The following CNOT10 variants were observed in gnomAD, a reference collection of about 807,000 sequenced individuals.
CNOT10 encodes CCR4-NOT transcription complex, subunit 10.
CNOT10 carries 30 observed loss-of-function variants against 94.6 expected under a neutral mutation model. The ratio of observed to expected loss-of-function variants is 0.32; its 90% CI spans 0.24 to 0.43. The LOEUF is 0.43. CNOT10 is among the 20% of genes least tolerant of loss of function. The pLI, the probability that CNOT10 is intolerant of heterozygous loss-of-function variation, is 1.00. For synonymous variants in CNOT10, 289 were observed against 301.6 expected (o/e 0.96, Z 0.43); for missense variants, 759 against 877.2 (o/e 0.87, Z 1.70).
chr3:32,707,414 C>T (rs1006487216), intron 3 of CNOT10, among the ~76,000 whole-genome samples: 2 of 151,768 alleles, frequency 1.3e-5, no homozygotes, highest in African/African-American at 2.4e-5. Flanking sequence ...TTTACGGGAA[C>T]GAAACCTGAA....
intron 1 of CNOT10, among the ~76,000 whole-genome samples, chr3:32,702,074 G>A (rs898803126): frequency 2.6e-5 from 4 of 151,172 alleles, no homozygotes; most frequent in Non-Finnish European, 4.4e-5. Context: ...CTGGGATTAC[G>A]GGCGTGAGCC....
At chr3:32,687,367 C>G (rs1696646867) in intron 1 of CNOT10, among the ~76,000 whole-genome samples, 1 of 150,154 alleles carries the variant, frequency 6.7e-6, no homozygotes, top group Non-Finnish European at 1.5e-5. Flanking sequence ...ACTGTACATG[C>G]TTTGGGCATC....
At chr3:32,701,278 C>T (rs1450142333) in intron 1 of CNOT10, among the ~76,000 whole-genome samples, 1 of 8,326 alleles carries the variant, frequency 1.2e-4, no homozygotes, top group South Asian at 0.012. Context: ...CTAATATTTA[C>T]ATTACCTATA....
chr3:32,717,936 T>C (rs1698195770), intron 7 of CNOT10, among the ~76,000 whole-genome samples: 1 of 152,130 alleles, frequency 6.6e-6, no homozygotes, highest in African/African-American at 2.4e-5. Flanking sequence ...ACCTGCCCCT[T>C]CCAAGTGACT....
At chr3:32,739,321 A>G (rs1293613688) in intron 13 of CNOT10, among the ~76,000 whole-genome samples, 2 of 151,894 alleles carry the variant, frequency 1.3e-5, no homozygotes, top group Non-Finnish European at 2.9e-5. Context: ...CTTCTACTTC[A>G]TTTTCTGTTT....
At chr3:32,687,438 G>T (rs1310245113) in intron 1 of CNOT10, among the ~76,000 whole-genome samples, 2 of 14,704 alleles carry the variant, frequency 1.4e-4, no homozygotes, top group Non-Finnish European at 2.3e-4. Flanking sequence ...AAGTCCTCAC[G>T]GTTTTTTTTT....
Position 32,727,603 on chromosome 3 carries a change from A to G in CNOT10, c.1013-65A>G, listed in dbSNP as rs554140540. 1.4e-4 allele frequency: 154 copies of G among 1,063,612 alleles called. 1 individual carries two copies. In the African/African-American group the frequency reaches 2.0e-3, roughly 14 times the overall value. The allele number at this position is 1,063,612 out of a possible 1,614,324, so 65.9% of individuals were successfully genotyped here. Reference sequence around the variant, plus strand: ...TAGTGTCTAAGTACTTAATGGAGTAAATGTTTTCAAGGTTACTATTACTGT... The same window carrying G: ...TAGTGTCTAAGTACTTAATGGAGTAGATGTTTTCAAGGTTACTATTACTGT... On this transcript the variant is annotated intron_variant, in intron 9 of 18. Transcript: ENST00000328834.
Position 32,685,220 on chromosome 3 carries a change from G to A in CNOT10, c.-241G>A, listed in dbSNP as rs1342754980. 2 of 487,728 alleles carry A rather than the reference G, an allele frequency of 4.1e-6. No individual in the cohort carries two copies. Among genetic ancestry groups the A allele is most frequent in the East Asian group, 3.7e-5 (1 of 26,798 alleles). The allele number at this position is 487,728 out of a possible 1,614,324, so 30.2% of individuals were successfully genotyped here. On this transcript the variant is annotated 5_prime_UTR_variant, in exon 1 of 19. It adds an upstream start codon to the 5' untranslated region. Transcript: ENST00000328834. ...ACCGGGACGCCGTGAGGCGGAAGCT[G>A]TGTATGGCGGGAGGCTGTGGCGGTC...
intron 12 of CNOT10, among the ~76,000 whole-genome samples, chr3:32,736,885 A>AT (rs1699211161): frequency 6.6e-6 from 1 of 150,682 alleles, no homozygotes; most frequent in African/African-American, 2.5e-5. Flanking sequence ...TCAGTTAGAG[A>AT]TTTTTTAAAG....
intron 1 of CNOT10, among the ~76,000 whole-genome samples, chr3:32,701,893 C>T (rs539629772): frequency 1.8e-4 from 27 of 151,818 alleles, no homozygotes; most frequent in South Asian, 1.0e-3. Context: ...CCCGGGTTCA[C>T]GCCATTCTCC....
rs1698745192 is a variant in CNOT10, at chr3:32,727,743, T to C, written c.1088T>C (p.Ile363Thr). The change falls in exon 10 of 19, where the codon ATT becomes ACT. Residue 363 changes from isoleucine to threonine, a missense_variant. This residue lies in a region of CNOT10 where 682 missense variants were observed against 799.4 expected (regional missense o/e 0.85). Transcript: ENST00000328834. ...KRYELLYNCGIQLLHIGRPLA... is the reference protein window; with the variant it reads ...KRYELLYNCGTQLLHIGRPLA... Reference sequence around the variant, plus strand: ...TATGAGTTGCTGTATAACTGTGGAATTCAGCTTCTTCACATTGGAAGGCCT... The same window carrying C: ...TATGAGTTGCTGTATAACTGTGGAACTCAGCTTCTTCACATTGGAAGGCCT... The C allele has an allele frequency of 1.2e-6, 2 of 1,614,012 alleles. No homozygotes were observed. The highest frequency in any genetic ancestry group is 2.2e-5 in the South Asian group (2 of 91,072).
rs1204538887 is a variant in CNOT10, at chr3:32,753,145, CACT to C, written c.1596-6311_1596-6309del. 1.2e-5 allele frequency: 7 copies of C among 598,586 alleles called. No individual in the cohort carries two copies. In the Admixed American group the frequency reaches 1.3e-4, roughly 11 times the overall value. The allele number at this position is 598,586 out of a possible 1,614,324, so 37.1% of individuals were successfully genotyped here. ...TCGAATTCAATCCAAATAATTCCAC[CACT>C]ATGTTGAGAAAAGGAACATGTGAAT... On this transcript the variant is annotated intron_variant, in intron 13 of 18. Coordinates refer to ENST00000328834, the MANE Select transcript of CNOT10 (RefSeq NM_015442.3).
In CNOT10 at chr3:32,722,278, G is replaced by A. The variant is rs140274363; in HGVS notation, c.862+2047G>A. Among the ~76,000 whole-genome samples the A allele has an allele frequency of 6.2e-3, 941 of 152,268 alleles. 17 individuals carry two copies. The highest frequency in any genetic ancestry group is 0.021 in the African/African-American group (885 of 41,542). On this transcript the variant is annotated intron_variant, in intron 8 of 18. Coordinates refer to ENST00000328834, the MANE Select transcript of CNOT10 (RefSeq NM_015442.3). ...ATTTACCCTTTCAGTTCACAGGAGT[G>A]ATGGAGGATGGAGAAAGGCACTTTT...
At chr3:32,768,032 AATT>A (rs1213888050) in intron 17 of CNOT10, among the ~76,000 whole-genome samples, 1 of 152,012 alleles carries the variant, frequency 6.6e-6, no homozygotes, top group East Asian at 1.9e-4. Flanking sequence ...GACCTTTGTT[AATT>A]GGGAGGCCCA....
At chr3:32,743,763 CAG>C (rs1699578419) in intron 13 of CNOT10, among the ~76,000 whole-genome samples, 1 of 152,150 alleles carries the variant, frequency 6.6e-6, no homozygotes, top group African/African-American at 2.4e-5. Context: ...GGATTCCTCT[CAG>C]AGTTTTGTAC....
At chr3:32,755,874 A>G (rs971834905) in intron 13 of CNOT10, among the ~76,000 whole-genome samples, 29 of 151,382 alleles carry the variant, frequency 1.9e-4, no homozygotes, top group African/African-American at 6.8e-4. Context: ...GATCCTCCAC[A>G]GGGGGGAAAA....
intron 13 of CNOT10, among the ~76,000 whole-genome samples, chr3:32,739,350 T>C (rs188636865): frequency 3.5e-4 from 53 of 152,334 alleles, no homozygotes; most frequent in African/African-American, 1.1e-3. Context: ...GTTTCTGCTC[T>C]TTATTTTATT....
chr3:32,762,635 A>T, intron 14 of CNOT10, 98 bp from the exon 15 acceptor site: 2 of 1,245,924 alleles, frequency 1.6e-6, no homozygotes, highest in South Asian at 2.9e-5. Context: ...TGAGACCTAT[A>T]TCCAATGTAT....
chr3:32,697,722 T>G (rs111845873), intron 1 of CNOT10, among the ~76,000 whole-genome samples: 9,316 of 152,240 alleles, frequency 0.061, 332 homozygotes, highest in African/African-American at 0.091. Context: ...CAGTCCTCCT[T>G]CCTTGGCCTG....
Sources: allele counts gnomAD v4.1 joint callset (sites outside exome capture counted in the v4.1 genomes callset), GRCh38; gene constraint gnomAD v4.1.1; regional missense constraint gnomAD v4.1.1; transcripts MANE v1.5; gene names NCBI Gene and HGNC (gene_info 2026-07-23, HGNC 2026-07-21).